AGBL4: variants seen among roughly 807,000 people sequenced by gnomAD.
The protein encoded by AGBL4 is cytosolic carboxypeptidase 6.
AGBL4 carries 58 observed loss-of-function variants against 66.4 expected under a neutral mutation model. The ratio of observed to expected loss-of-function variants is 0.87; its 90% CI spans 0.71 to 1.09. The LOEUF is 1.09. AGBL4 is among the 50% of genes least tolerant of loss of function. AGBL4 has a pLI of 0.00. For missense variants in AGBL4, 579 were observed against 631.0 expected, an observed-to-expected ratio of 0.92 and a Z score of 0.88; for synonymous variants, 234 against 222.9, an observed-to-expected ratio of 1.05 and a Z score of -0.44.
intron 5 of AGBL4, among the ~76,000 whole-genome samples, chr1:48,902,541 G>A (rs1433371659): frequency 1.3e-5 from 2 of 152,142 alleles, no homozygotes; most frequent in Non-Finnish European, 2.9e-5. Flanking sequence ...CAGTGGTGAC[G>A]AGTGAGGGCT....
At chr1:49,948,458 T>TATAA (rs1557609765) in intron 1 of AGBL4, among the ~76,000 whole-genome samples, 1 of 52,848 alleles carries the variant, frequency 1.9e-5, no homozygotes, top group Non-Finnish European at 3.9e-5. Context: ...TATATAAATA[T>TATAA]AGATAAATAT....
chr1:49,285,877 T>C (rs969075597), intron 3 of AGBL4, among the ~76,000 whole-genome samples: 3 of 152,146 alleles, frequency 2.0e-5, no homozygotes, highest in Admixed American at 1.3e-4. Context: ...CCAGCATCAT[T>C]CTGATACCAA....
At chr1:49,768,703 G>C (rs1350263599) in intron 2 of AGBL4, among the ~76,000 whole-genome samples, 1 of 151,908 alleles carries the variant, frequency 6.6e-6, no homozygotes, top group Non-Finnish European at 1.5e-5. Flanking sequence ...AAGAAACAAA[G>C]GCATTCAAAT....
intron 3 of AGBL4, among the ~76,000 whole-genome samples, chr1:49,303,156 T>A (rs1266370761): frequency 6.6e-6 from 1 of 152,196 alleles, no homozygotes; most frequent in Non-Finnish European, 1.5e-5. Flanking sequence ...ATGATTTATA[T>A]TTCTTTGAGT....
At chr1:49,357,279 G>C (rs573403877) in intron 3 of AGBL4, among the ~76,000 whole-genome samples, 1 of 152,150 alleles carries the variant, frequency 6.6e-6, no homozygotes, top group Non-Finnish European at 1.5e-5. Flanking sequence ...TTCACATTGA[G>C]ACTATTCCTT....
At chr1:49,881,366 C>T (rs993738750) in intron 1 of AGBL4, among the ~76,000 whole-genome samples, 11 of 152,100 alleles carry the variant, frequency 7.2e-5, no homozygotes, top group African/African-American at 2.2e-4. Flanking sequence ...TCTGTCTTTA[C>T]AGCAGCATGA....
At chr1:49,145,524 T>C (rs1006660768) in intron 4 of AGBL4, among the ~76,000 whole-genome samples, 2 of 152,172 alleles carry the variant, frequency 1.3e-5, no homozygotes, top group Non-Finnish European at 2.9e-5. Flanking sequence ...TGTTTTAATG[T>C]AGGTAGTATT....
chr1:49,314,505 G>A (rs1173541008), intron 3 of AGBL4, among the ~76,000 whole-genome samples: 2 of 151,948 alleles, frequency 1.3e-5, no homozygotes, highest in African/African-American at 4.8e-5. Flanking sequence ...TCTTGTGTTA[G>A]TTTGCTGAGA....
chr1:49,916,063 C>T (rs1212913721), intron 1 of AGBL4, among the ~76,000 whole-genome samples: 13 of 152,188 alleles, frequency 8.5e-5, no homozygotes, highest in Non-Finnish European at 1.8e-4. Flanking sequence ...GAAAGGACAT[C>T]CACACCAAAA....
At chr1:48,709,584 CATT>C (rs10657477) in intron 6 of AGBL4, among the ~76,000 whole-genome samples, 13,641 of 141,800 alleles carry the variant, frequency 0.096, 843 homozygotes, top group African/African-American at 0.17. Flanking sequence ...ATTTGCCAGG[CATT>C]ATTATTATTA....
chr1:48,742,466 G>A (rs1472820007), intron 6 of AGBL4, among the ~76,000 whole-genome samples: 2 of 152,144 alleles, frequency 1.3e-5, no homozygotes. Flanking sequence ...GCAAAGCTAC[G>A]CTACTGATAG....
At chr1:48,943,977 T>C (rs1443349900) in intron 5 of AGBL4, among the ~76,000 whole-genome samples, 1 of 152,194 alleles carries the variant, frequency 6.6e-6, no homozygotes, top group Non-Finnish European at 1.5e-5. Flanking sequence ...ACGGGTTAGA[T>C]GGCATCAGGC....
At chr1:48,834,935 G>A (rs866815345) in intron 6 of AGBL4, among the ~76,000 whole-genome samples, 16 of 152,196 alleles carry the variant, frequency 1.1e-4, no homozygotes, top group Middle Eastern at 3.4e-3. Flanking sequence ...TGCTGGTGGC[G>A]GCTGGCTTTC....
At chr1:49,582,497 C>T (rs998738184) in intron 3 of AGBL4, among the ~76,000 whole-genome samples, 5 of 152,182 alleles carry the variant, frequency 3.3e-5, no homozygotes, top group Non-Finnish European at 5.9e-5. Flanking sequence ...CAGCTCAGGA[C>T]CAAGCCTGCA....
At chr1:49,150,320 A>G (rs776771368) in intron 4 of AGBL4, among the ~76,000 whole-genome samples, 2 of 152,224 alleles carry the variant, frequency 1.3e-5, no homozygotes, top group Non-Finnish European at 2.9e-5. Context: ...ATAATCAGCC[A>G]TTAAAAATAA....
At chr1:49,779,276 G>A (rs1159875398) in intron 2 of AGBL4, among the ~76,000 whole-genome samples, 1 of 152,128 alleles carries the variant, frequency 6.6e-6, no homozygotes, top group African/African-American at 2.4e-5. Context: ...TGTCAAAATG[G>A]TTAATGAATA....
intron 3 of AGBL4, among the ~76,000 whole-genome samples, chr1:49,605,383 G>T (rs372633882): frequency 6.6e-6 from 1 of 152,124 alleles, no homozygotes; most frequent in South Asian, 2.1e-4. Context: ...TTCCTAAATT[G>T]CATGTCACCC....
intron 4 of AGBL4, among the ~76,000 whole-genome samples, chr1:49,192,716 C>T (rs1647145557): frequency 6.6e-6 from 1 of 152,176 alleles, no homozygotes; most frequent in South Asian, 2.1e-4. Context: ...TGAATAGTAA[C>T]CTTACACAGA....
At chr1:48,654,824 T>C (rs1167913546) in intron 7 of AGBL4, among the ~76,000 whole-genome samples, 1 of 152,218 alleles carries the variant, frequency 6.6e-6, no homozygotes, top group Non-Finnish European at 1.5e-5. Flanking sequence ...TTGGACATCA[T>C]TTACTTCTCG....
Sources: allele counts gnomAD v4.1 joint callset (sites outside exome capture counted in the v4.1 genomes callset), GRCh38; gene constraint gnomAD v4.1.1; transcripts MANE v1.5; gene names NCBI Gene and HGNC (gene_info 2026-07-23, HGNC 2026-07-21).